Variants in KIAA1217 observed in about 807,000 individuals in gnomAD.
KIAA1217 encodes the protein sickle tail protein homolog.
KIAA1217 carries 88 observed loss-of-function variants against 163.9 expected under a neutral mutation model. The observed-to-expected ratio is 0.54, with a 90% CI of 0.45 to 0.64. The LOEUF (loss-of-function observed/expected upper bound fraction) is 0.64, where lower values mean the gene tolerates loss of function less well. Among genes scored for constraint, KIAA1217 ranks in the 30% least tolerant of loss-of-function variants. The pLI, the probability that KIAA1217 is intolerant of heterozygous loss-of-function variation, is 0.00. For missense variants in KIAA1217, 2,372 were observed against 2,475.0 expected (o/e 0.96, Z 0.88); for synonymous variants, 903 against 923.1 (o/e 0.98, Z 0.39).
chr10:24,027,302 A>G (rs1847997145), intron 2 of KIAA1217, among the ~76,000 whole-genome samples: 2 of 152,062 alleles, frequency 1.3e-5, no homozygotes, highest in South Asian at 4.1e-4. Context: ...CACTGGGCTT[A>G]CCACATTTGT....
chr10:24,006,828 T>G (rs1306139042), intron 1 of KIAA1217, among the ~76,000 whole-genome samples: 1 of 152,132 alleles, frequency 6.6e-6, no homozygotes, highest in African/African-American at 2.4e-5. Context: ...ACATCATCCT[T>G]AATAAAGGGA....
chr10:24,040,594 T>C (rs1438822647), intron 2 of KIAA1217, among the ~76,000 whole-genome samples: 1 of 152,242 alleles, frequency 6.6e-6, no homozygotes, highest in Non-Finnish European at 1.5e-5. Context: ...GTGGATTTTA[T>C]GATACAGCAG....
At chr10:23,714,898 T>C (rs1247529749) in intron 1 of KIAA1217, among the ~76,000 whole-genome samples, 1 of 152,048 alleles carries the variant, frequency 6.6e-6, no homozygotes, top group East Asian at 1.9e-4. Flanking sequence ...TTATATACCA[T>C]AGAAAAAGGG....
At chr10:23,811,740 G>A (rs1467676114) in intron 1 of KIAA1217, among the ~76,000 whole-genome samples, 2 of 151,914 alleles carry the variant, frequency 1.3e-5, no homozygotes, top group East Asian at 3.9e-4. Context: ...CTCAAGAGGT[G>A]GAATTATAAG....
At position 24,520,681 on chromosome 10, in the gene KIAA1217, C is replaced by A. The variant is rs1402993625; in HGVS notation, c.2308+428C>A. 3.6e-3 allele frequency among the ~76,000 whole-genome samples: 352 copies of A among 96,694 alleles called. 3 individuals are homozygous for A. The highest frequency in any genetic ancestry group is 0.015 in the African/African-American group (318 of 21,674). The allele number at this position is 96,694 out of a possible 152,430, so 63.4% of individuals were successfully genotyped here. A position where few individuals can be genotyped will look rare whatever the true frequency, so the allele number is the denominator to read the frequency against. ...ATATATATATATATATATATACACA[C>A]ACACACAAAAAAAAATTAGCCAGGT... On this transcript the variant is annotated intron_variant, in intron 11 of 20. Transcript: ENST00000376454.
intron 2 of KIAA1217, among the ~76,000 whole-genome samples, chr10:24,335,144 G>C (rs1029186292): frequency 6.6e-6 from 1 of 152,134 alleles, no homozygotes; most frequent in Non-Finnish European, 1.5e-5. Flanking sequence ...TGGGAAAAAA[G>C]CCAGCCAGAG....
At chr10:23,888,240 A>G (rs1336942224) in intron 1 of KIAA1217, among the ~76,000 whole-genome samples, 1 of 151,902 alleles carries the variant, frequency 6.6e-6, no homozygotes, top group East Asian at 1.9e-4. Flanking sequence ...AAACCTTGGG[A>G]CTAGATTTAA....
intron 3 of KIAA1217, among the ~76,000 whole-genome samples, chr10:24,417,110 GT>G (rs971428886): frequency 6.6e-6 from 1 of 151,740 alleles, no homozygotes; most frequent in East Asian, 1.9e-4. Context: ...CGAGTCTTTT[GT>G]TTTTTTTAAG....
intron 2 of KIAA1217, among the ~76,000 whole-genome samples, chr10:24,074,689 CTCTTCT>C (rs1293454859): frequency 4.3e-5 from 6 of 140,914 alleles, no homozygotes; most frequent in Non-Finnish European, 7.5e-5. Context: ...CTTCCTCTTC[CTCTTCT>C]TCTTCTTCTT....
At chr10:24,168,932 T>C (rs1216085936) in intron 2 of KIAA1217, among the ~76,000 whole-genome samples, 1 of 152,230 alleles carries the variant, frequency 6.6e-6, no homozygotes, top group African/African-American at 2.4e-5. Context: ...AGTTCACTCT[T>C]AGGTGTGCTT....
chr10:23,699,252 A>G (rs1325970934), intron 1 of KIAA1217, among the ~76,000 whole-genome samples: 2 of 152,210 alleles, frequency 1.3e-5, no homozygotes, highest in African/African-American at 2.4e-5. Context: ...AAGTCAGTGA[A>G]GCTTGGACTG....
At chr10:23,921,820 T>G (rs1322434748) in intron 1 of KIAA1217, among the ~76,000 whole-genome samples, 1 of 152,168 alleles carries the variant, frequency 6.6e-6, no homozygotes, top group East Asian at 1.9e-4. Context: ...TTTGCCAGGT[T>G]GTGGCTGTGT....
intron 5 of KIAA1217, among the ~76,000 whole-genome samples, chr10:24,467,310 T>C (rs1457159125): frequency 1.3e-5 from 2 of 152,226 alleles, no homozygotes; most frequent in African/African-American, 4.8e-5. Context: ...CCTGCTATTA[T>C]GATGAGGCTC....
At chr10:24,488,049 C>A (rs2065630611) in intron 6 of KIAA1217, among the ~76,000 whole-genome samples, 1 of 152,148 alleles carries the variant, frequency 6.6e-6, no homozygotes, top group African/African-American at 2.4e-5. Context: ...GTGGAGAAAG[C>A]AAGGCCAGGC....
intron 2 of KIAA1217, among the ~76,000 whole-genome samples, chr10:24,091,699 T>C (rs1564690429): frequency 6.6e-6 from 1 of 151,736 alleles, no homozygotes; most frequent in Non-Finnish European, 1.5e-5. Context: ...TGAGGATAAA[T>C]AGTAACAATC....
intron 2 of KIAA1217, among the ~76,000 whole-genome samples, chr10:24,315,737 G>A (rs1320521425): frequency 1.4e-5 from 2 of 143,096 alleles, no homozygotes; most frequent in Admixed American, 1.4e-4. Context: ...AGGCAACAGA[G>A]CAAGACCTTG....
chr10:23,984,072 C>A (rs1340174259), intron 1 of KIAA1217, among the ~76,000 whole-genome samples: 1 of 152,176 alleles, frequency 6.6e-6, no homozygotes, highest in Non-Finnish European at 1.5e-5. Flanking sequence ...ATCCACTGGA[C>A]AAAGGTTGCC....
At chr10:24,228,103 C>T (rs2070841864) in intron 2 of KIAA1217, among the ~76,000 whole-genome samples, 1 of 151,938 alleles carries the variant, frequency 6.6e-6, no homozygotes, top group Non-Finnish European at 1.5e-5. Context: ...GGGAAAGCCC[C>T]TACTCTACAA....
intron 1 of KIAA1217, among the ~76,000 whole-genome samples, chr10:23,748,582 G>T (rs1400882530): frequency 3.5e-5 from 5 of 141,620 alleles, no homozygotes; most frequent in African/African-American, 1.3e-4. Flanking sequence ...ACGGAAGGAA[G>T]GGGGGAGGGA....
Sources: gnomAD v4.1 joint callset for allele counts (sites outside exome capture counted in the v4.1 genomes callset) on GRCh38, gnomAD v4.1.1 for gene constraint, MANE v1.5 for transcripts, NCBI Gene and HGNC (gene_info 2026-07-23, HGNC 2026-07-21) for gene names.